Variants in FHOD3 observed in about 807,000 individuals in gnomAD.
FHOD3 encodes the protein formin homology 2 domain containing 3, also known as FH1/FH2 domain-containing protein 3.
A neutral mutation model predicts 173.0 loss-of-function variants in FHOD3; 90 were observed. That is an observed-to-expected ratio of 0.52 (90% CI 0.44 to 0.62). The LOEUF is 0.62. Ranked by LOEUF, FHOD3 falls within the 20% of genes least tolerant of loss-of-function variation. The pLI, the probability that FHOD3 is intolerant of heterozygous loss-of-function variation, is 0.00. For synonymous variants in FHOD3, 828 were observed against 823.0 expected, an observed-to-expected ratio of 1.01 and a Z score of -0.10; for missense variants, 1,945 against 2,034.7, an observed-to-expected ratio of 0.96 and a Z score of 0.85.
intron 4 of FHOD3, among the ~76,000 whole-genome samples, chr18:36,508,130 C>CT (rs2146213728): frequency 6.6e-6 from 1 of 152,260 alleles, no homozygotes; most frequent in South Asian, 2.1e-4. Context: ...TATTCTGAGA[C>CT]TGGTGTGTGT....
At chr18:36,519,721 G>C (rs1053798296) in intron 5 of FHOD3, among the ~76,000 whole-genome samples, 5 of 152,292 alleles carry the variant, frequency 3.3e-5, no homozygotes, top group Non-Finnish European at 5.9e-5. Context: ...AGGTAAGAGA[G>C]GGAAGCTGGG....
intron 3 of FHOD3, among the ~76,000 whole-genome samples, chr18:36,416,862 T>C (rs2049681297): frequency 6.6e-6 from 1 of 152,270 alleles, no homozygotes; most frequent in African/African-American, 2.4e-5. Context: ...AAGCGCTTCC[T>C]CCTGCCAGCC....
rs1049034332 is a variant in FHOD3, at chr18:36,330,230, C to T, written c.166-25309C>T. 4.6e-5 allele frequency among the ~76,000 whole-genome samples: 7 copies of T among 152,302 alleles called. 1 individual carries two copies. The highest frequency in any genetic ancestry group is 4.1e-4 in the South Asian group (2 of 4,828). The stretch of plus-strand genomic sequence containing the variant: ...TCTTTGGCAGTGACCCCTAACATTA[C>T]GTCTATGTCTTACATCATGGAGTGA... On this transcript the variant is annotated intron_variant, in intron 1 of 28. Coordinates refer to ENST00000590592, the MANE Select transcript of FHOD3 (RefSeq NM_001281740.3).
At chr18:36,315,285 G>A (rs2044062149) in intron 1 of FHOD3, among the ~76,000 whole-genome samples, 1 of 152,214 alleles carries the variant, frequency 6.6e-6, no homozygotes, top group African/African-American at 2.4e-5. Context: ...TTAGAAACTA[G>A]TTTACATGGA....
In FHOD3 at chr18:36,344,076, T is replaced by C. The variant is rs554803048; in HGVS notation, c.166-11463T>C. On this transcript the variant is annotated intron_variant, in intron 1 of 28. Transcript: ENST00000590592. ...TTATGCACTTGAAATAGGTGAATTA[T>C]GTGGTATAAATTATCTCAATAAAGC... is the stretch of plus-strand genomic sequence containing the variant. Among the ~76,000 whole-genome samples, 5 of 152,318 alleles carry C rather than the reference T, an allele frequency of 3.3e-5. 1 individual carries two copies. The South Asian group carries it at 1.0e-3, about 32-fold the overall frequency.
intron 3 of FHOD3, among the ~76,000 whole-genome samples, chr18:36,479,479 A>G (rs2053762365): frequency 6.6e-6 from 1 of 152,176 alleles, no homozygotes; most frequent in Non-Finnish European, 1.5e-5. Context: ...TGGTAGTGTC[A>G]TAAGTTTACA....
chr18:36,640,421 G>C (rs1340482196), intron 10 of FHOD3, among the ~76,000 whole-genome samples: 3 of 152,182 alleles, frequency 2.0e-5, no homozygotes. Context: ...TGGGCCCTTG[G>C]TGACCTAGAA....
intron 3 of FHOD3, among the ~76,000 whole-genome samples, chr18:36,420,968 C>T (rs1415987853): frequency 1.3e-5 from 2 of 152,096 alleles, no homozygotes; most frequent in African/African-American, 2.4e-5. Context: ...TCTTTCACCC[C>T]CACCCTCTCT....
chr18:36,731,105 AT>A (rs765388577), intron 20 of FHOD3, among the ~76,000 whole-genome samples: 3 of 152,198 alleles, frequency 2.0e-5, no homozygotes, highest in Non-Finnish European at 4.4e-5. Flanking sequence ...GTCTTGTTTC[AT>A]GTCATTTTAA....
intron 2 of FHOD3, among the ~76,000 whole-genome samples, chr18:36,361,542 T>G (rs2046615376): frequency 6.6e-6 from 1 of 151,596 alleles, no homozygotes; most frequent in African/African-American, 2.4e-5. Context: ...AAAAATTAGC[T>G]GGGCGTGGTG....
rs2034033799 is a variant in FHOD3 at position 36,625,541 on chromosome 18, A to G, written c.988A>G (p.Thr330Ala). 6.7e-7 allele frequency: 1 copy of G among 1,483,372 alleles called. No individual in the cohort carries two copies. Among genetic ancestry groups the G allele is most frequent in the Admixed American group, 2.1e-5 (1 of 46,684 alleles). The allele number at this position is 1,483,372 out of a possible 1,614,324, so 91.9% of individuals were successfully genotyped here. A position where few individuals can be genotyped will look rare whatever the true frequency, so the allele number is the denominator to read the frequency against. The change falls in exon 10 of 29, where the codon ACC (threonine) becomes GCC (alanine). Residue 330 changes from threonine (T) to alanine (A), a missense_variant. Coordinates refer to ENST00000590592, the MANE Select transcript of FHOD3 (RefSeq NM_001281740.3). ...GCTCAGGCACGAGGATGGCGATGAG[A>G]CCACGGAGCCACCCCCCAGTGGGTG... ...VALRHEDGDE[T>A]TEPPPSGCRD... is the part of the protein sequence containing the mutation.
chr18:36,627,492 C>T (rs1014368053), intron 10 of FHOD3, among the ~76,000 whole-genome samples: 3 of 152,154 alleles, frequency 2.0e-5, no homozygotes, highest in South Asian at 2.1e-4. Flanking sequence ...GTGCTGGGCT[C>T]GGTAGGATCT....
intron 3 of FHOD3, among the ~76,000 whole-genome samples, chr18:36,418,269 C>T (rs796691404): frequency 2.6e-5 from 4 of 152,282 alleles, no homozygotes; most frequent in African/African-American, 9.6e-5. Flanking sequence ...TTCACATTTT[C>T]ATGTACTCTG....
rs917329345 is a variant in FHOD3, at chr18:36,523,631, G to A, written c.511+11088G>A. ...TGAGTTGATTTCAAACAGGTGTGTGGCAGTAAGGTTTCCAACAACAGAATA... is the reference window on the plus strand; with the variant it reads ...TGAGTTGATTTCAAACAGGTGTGTGACAGTAAGGTTTCCAACAACAGAATA... On this transcript the variant is annotated intron_variant, in intron 5 of 28. Coordinates refer to ENST00000590592, the MANE Select transcript of FHOD3 (RefSeq NM_001281740.3). Among the ~76,000 whole-genome samples, 7 of 152,300 alleles carry A rather than the reference G, an allele frequency of 4.6e-5. No individual in the cohort carries two copies. The East Asian group carries it at 1.4e-3, about 29-fold the overall frequency.
chr18:36,542,961 G>C (rs898171275), intron 5 of FHOD3, among the ~76,000 whole-genome samples: 4 of 152,148 alleles, frequency 2.6e-5, no homozygotes, highest in Non-Finnish European at 4.4e-5. Flanking sequence ...TATTTCTGTG[G>C]GGGTGTTTTT....
intron 3 of FHOD3, among the ~76,000 whole-genome samples, chr18:36,434,511 G>T (rs981194614): frequency 5.9e-5 from 9 of 152,030 alleles, no homozygotes; most frequent in African/African-American, 2.2e-4. Context: ...CAAATTCTTT[G>T]TCAAAATTAT....
At chr18:36,769,208 A>G (rs189058679) in intron 27 of FHOD3, 57 bp from the exon 28 acceptor site, 9 of 1,580,022 alleles carry the variant, frequency 5.7e-6, no homozygotes, top group Non-Finnish European at 7.8e-6. Flanking sequence ...ACTGCTGCAT[A>G]TATCTTTTGT....
intron 5 of FHOD3, among the ~76,000 whole-genome samples, chr18:36,540,744 A>G (rs2057177012): frequency 6.6e-6 from 1 of 152,108 alleles, no homozygotes; most frequent in Non-Finnish European, 1.5e-5. Context: ...AGTCCCTTAT[A>G]CCAATTCCTG....
At chr18:36,623,886 C>A (rs2148775368) in intron 9 of FHOD3, among the ~76,000 whole-genome samples, 1 of 152,338 alleles carries the variant, frequency 6.6e-6, no homozygotes, top group East Asian at 1.9e-4. Context: ...CAGTGGCTAA[C>A]CTGGCCTTGC....
Sources: allele counts gnomAD v4.1 joint callset (sites outside exome capture counted in the v4.1 genomes callset), GRCh38; gene constraint gnomAD v4.1.1; transcripts MANE v1.5; gene names NCBI Gene and HGNC (gene_info 2026-07-23, HGNC 2026-07-21).